The following MAD2L1BP variants were observed in gnomAD, a reference collection of about 807,000 sequenced individuals.
MAD2L1BP encodes MAD2L1-binding protein.
In MAD2L1BP, 22 loss-of-function variants were observed where a neutral mutation model predicts 28.4. The ratio of observed to expected loss-of-function variants is 0.77; its 90% confidence interval spans 0.55 to 1.10. MAD2L1BP has a LOEUF of 1.10. Among genes scored for constraint, MAD2L1BP ranks in the 50% least tolerant of loss-of-function variants. MAD2L1BP has a pLI of 0.00. For synonymous variants in MAD2L1BP, 146 were observed against 133.7 expected (o/e 1.09, Z -0.63); for missense variants, 325 against 350.5 (o/e 0.93, Z 0.58).
At chr6:43,630,726 G>C (rs1233101176) in intron 1 of MAD2L1BP, among the ~76,000 whole-genome samples, 1 of 148,920 alleles carries the variant, frequency 6.7e-6, no homozygotes, top group African/African-American at 2.5e-5. Flanking sequence ...CTGGGCAACA[G>C]AGCGAGACTC....
At chr6:43,636,278 C>G (rs1248024124) in intron 1 of MAD2L1BP, 103 bp from the exon 2 acceptor site, 1 of 1,229,188 alleles carries the variant, frequency 8.1e-7, no homozygotes, top group African/African-American at 1.5e-5. Flanking sequence ...GTCGGAGTGC[C>G]TGCTTTTTCA....
rs1057457317 is a variant in MAD2L1BP at position 43,635,919 on chromosome 6, C to G, written c.44C>G (p.Pro15Arg). 4 of 1,510,272 alleles carry G rather than the reference C, an allele frequency of 2.6e-6. No individual in the cohort carries two copies. The South Asian group carries it at 5.1e-5, about 19-fold the overall frequency. The allele number at this position is 1,510,272 out of a possible 1,614,324, so 93.6% of individuals were successfully genotyped here. A position where few individuals can be genotyped will look rare whatever the true frequency, so the allele number is the denominator to read the frequency against. The part of the protein sequence containing the change: ...EAEVLSSAAV[P>R]DLEWYEKSEE... ...GAGGTTCTGTCCTCAGCCGCAGTCC[C>G]TGGTAAGGCGTGGGGCCAAGAGTTT... is the stretch of plus-strand genomic sequence containing the variant. The change falls in exon 1 of 3, where the codon CCT (proline) becomes CGT (arginine). Residue 15 changes from proline to arginine, a missense_variant and splice_region_variant. Transcript: ENST00000372171.
chr6:43,629,608 G>A lies in MAD2L1BP; in HGVS notation c.-142G>A, dbSNP rs943874052. 8 of 843,852 alleles carry A rather than the reference G, an allele frequency of 9.5e-6. No homozygotes were observed. In the African/African-American group the frequency reaches 1.2e-4, roughly 12 times the overall value. 52.3% of individuals were successfully genotyped at this position (843,852 alleles called of 1,614,324 possible). A position where few individuals can be genotyped will look rare whatever the true frequency, so the allele number is the denominator to read the frequency against. On this transcript the variant is annotated 5_prime_UTR_variant, in exon 1 of 4. Coordinates refer to the MAD2L1BP transcript ENST00000451025. ...CACCAGCGTAGAAGAGCTTACATCA[G>A]AATCGAGCTTTGTGGGCGCTCCGGG...
chr6:43,632,096 C>T (rs112226789), upstream of MAD2L1BP, among the ~76,000 whole-genome samples: 4,975 of 151,734 alleles, frequency 0.033, 267 homozygotes, highest in African/African-American at 0.11. Context: ...ACGGTGGTTT[C>T]TCCGTGTTGG....
At chr6:43,636,021 G>C in intron 1 of MAD2L1BP, 100 bp downstream of exon 1, 1 of 1,181,080 alleles carries the variant, frequency 8.5e-7, no homozygotes, top group Non-Finnish European at 1.2e-6. Flanking sequence ...TCCCTAGCCC[G>C]TCTTCCCTGT....
At position 43,640,619 on chromosome 6, in the gene MAD2L1BP, A is replaced by G. The variant is rs1330238762; in HGVS notation, c.*86A>G. 7.0e-7 allele frequency: 1 copy of G among 1,433,016 alleles called. No homozygotes were observed. Among genetic ancestry groups the G allele is most frequent in the South Asian group, 1.4e-5 (1 of 70,548 alleles). The allele number at this position is 1,433,016 out of a possible 1,614,324, so 88.8% of individuals were successfully genotyped here. A position where few individuals can be genotyped will look rare whatever the true frequency, so the allele number is the denominator to read the frequency against. Reference sequence around the variant, plus strand: ...AATCACCCATCTGGTTTGGAGCTAGAGTTGCTTCCTGGTGAGAGAGGAAGC... The same window carrying G: ...AATCACCCATCTGGTTTGGAGCTAGGGTTGCTTCCTGGTGAGAGAGGAAGC... On this transcript the variant is annotated 3_prime_UTR_variant, in exon 3 of 3. Coordinates refer to ENST00000372171, the MANE Select transcript of MAD2L1BP (RefSeq NM_014628.3).
At chr6:43,638,512 A>T (rs951837986) in intron 2 of MAD2L1BP, among the ~76,000 whole-genome samples, 1 of 149,280 alleles carries the variant, frequency 6.7e-6, no homozygotes, top group African/African-American at 2.4e-5. Flanking sequence ...TTAAGAATAA[A>T]TTGGCCGGGC....
At chr6:43,634,792 C>T (rs1291586426), upstream of MAD2L1BP, among the ~76,000 whole-genome samples, 3 of 152,148 alleles carry the variant, frequency 2.0e-5, no homozygotes, top group African/African-American at 4.8e-5. Context: ...AACTCCTGAC[C>T]TCGTGATCCA....
chr6:43,629,675 C>T, exon 1 of MAD2L1BP: 1 of 1,485,598 alleles, frequency 6.7e-7, no homozygotes, highest in African/African-American at 1.4e-5. Context: ...AGGTTTTGGA[C>T]CTCGAGAGCT....
At chr6:43,631,287 C>G (rs1384905208), upstream of MAD2L1BP, among the ~76,000 whole-genome samples, 1 of 152,112 alleles carries the variant, frequency 6.6e-6, no homozygotes, top group Non-Finnish European at 1.5e-5. Context: ...GGGGCACAGG[C>G]CTACTAGGGA....
rs568153675 is a variant in MAD2L1BP, at chr6:43,640,888, T to C, written c.*355T>C. On this transcript the variant is annotated 3_prime_UTR_variant, in exon 3 of 3. Transcript: ENST00000372171. ...CCTTTCAGAATTTTTACCAGGAACA[T>C]AATGTGGATGTGACTTATGAACTTA... 14 of 236,728 alleles carry C rather than the reference T, an allele frequency of 5.9e-5. No homozygotes were observed. In the South Asian group the frequency reaches 2.0e-3, roughly 33 times the overall value. The allele number at this position is 236,728 out of a possible 1,614,324, so 14.7% of individuals were successfully genotyped here.
chr6:43,635,832 A>T (rs1485001615), upstream of MAD2L1BP: 3 of 1,441,926 alleles, frequency 2.1e-6, no homozygotes, highest in Admixed American at 1.0e-4. Flanking sequence ...ATGCCCCGCG[A>T]GACCTTTATT....
In MAD2L1BP at chr6:43,636,555, G is replaced by A. The variant is rs759538045; in HGVS notation, c.221G>A (p.Cys74Tyr). ...VSQEGCCQFT[C>Y]ELLKHIMYQR... ...CAGGAAGGCTGCTGTCAGTTTACTT[G>A]TGAACTTCTAAAGCATATCATGTAT... is the stretch of plus-strand genomic sequence containing the variant. Residue 74 changes from cysteine to tyrosine, a missense_variant, in exon 2 of 3, where the codon TGT becomes TAT. Transcript: ENST00000372171. 1 of 1,614,172 alleles carries A rather than the reference G, an allele frequency of 6.2e-7. No individual in the cohort carries two copies. The highest frequency in any genetic ancestry group is 8.5e-7 in the Non-Finnish European group (1 of 1,180,034).
exon 1 of MAD2L1BP, chr6:43,629,540 G>C (rs866043580): frequency 1.1e-4 from 73 of 642,582 alleles, no homozygotes; most frequent in Middle Eastern, 8.2e-4. Context: ...CTAGGACTTG[G>C]GGGGAATTTA....
upstream of MAD2L1BP, among the ~76,000 whole-genome samples, chr6:43,634,655 G>T (rs1770102442): frequency 6.6e-6 from 1 of 152,062 alleles, no homozygotes; most frequent in Non-Finnish European, 1.5e-5. Flanking sequence ...CCGCCTCCCG[G>T]CTTCAAGCGA....
intron 2 of MAD2L1BP, among the ~76,000 whole-genome samples, chr6:43,638,261 C>G (rs1051131617): frequency 6.7e-6 from 1 of 150,126 alleles, no homozygotes; most frequent in South Asian, 2.1e-4. Context: ...AGGCTGGTCT[C>G]GAAGTCCTGA....
chr6:43,636,731 C>T lies in MAD2L1BP; in HGVS notation c.312+85C>T. The T allele has an allele frequency of 2.0e-6, 3 of 1,481,690 alleles. No individual in the cohort carries two copies. In the South Asian group the frequency reaches 3.8e-5, roughly 19 times the overall value. 91.8% of individuals were successfully genotyped at this position (1,481,690 alleles called of 1,614,324 possible). A position where few individuals can be genotyped will look rare whatever the true frequency, so the allele number is the denominator to read the frequency against. ...CAGGTAGAAAGGGGGTCTAAGAAATCTTCAAAGCCTGAGAGAATAAGCAGC... is the reference window on the plus strand; with the variant it reads ...CAGGTAGAAAGGGGGTCTAAGAAATTTTCAAAGCCTGAGAGAATAAGCAGC... On this transcript the variant is annotated intron_variant, in intron 2 of 2. Coordinates refer to ENST00000372171, the MANE Select transcript of MAD2L1BP (RefSeq NM_014628.3).
upstream of MAD2L1BP, among the ~76,000 whole-genome samples, chr6:43,634,761 A>G (rs763589471): frequency 1.3e-5 from 2 of 152,044 alleles, no homozygotes; most frequent in Non-Finnish European, 2.9e-5. Context: ...GCGTTTCACC[A>G]TGTTGGCCAG....
chr6:43,640,609 T>A lies in MAD2L1BP; in HGVS notation c.*76T>A. 6.8e-7 allele frequency: 1 copy of A among 1,474,632 alleles called. No individual in the cohort carries two copies. Among genetic ancestry groups the A allele is most frequent in the Non-Finnish European group, 9.0e-7 (1 of 1,107,348 alleles). The allele number at this position is 1,474,632 out of a possible 1,614,324, so 91.3% of individuals were successfully genotyped here. ...TGTGGCGCTGAATCACCCATCTGGT[T>A]TGGAGCTAGAGTTGCTTCCTGGTGA... On this transcript the variant is annotated 3_prime_UTR_variant, in exon 3 of 3. Transcript: ENST00000372171.
Sources: gnomAD v4.1 joint callset for allele counts (sites outside exome capture counted in the v4.1 genomes callset) on GRCh38, gnomAD v4.1.1 for gene constraint, MANE v1.5 for transcripts, NCBI Gene and HGNC (gene_info 2026-07-23, HGNC 2026-07-21) for gene names.